TTC27: variants seen among roughly 807,000 people sequenced by gnomAD.
TTC27 encodes the protein tetratricopeptide repeat domain 27.
A neutral mutation model predicts 115.9 loss-of-function variants in TTC27; 79 were observed. That is an observed-to-expected ratio of 0.68 (90% CI 0.57 to 0.82). The LOEUF is 0.82. Among genes scored for constraint, TTC27 ranks in the 40% least tolerant of loss-of-function variants. The probability of loss-of-function intolerance (pLI) is 0.00; values close to 1 mark genes in which losing one functional copy is unlikely to be tolerated. For missense variants in TTC27, 1,054 were observed against 993.1 expected (o/e 1.06, Z -0.82); for synonymous variants, 401 against 356.0 (o/e 1.13, Z -1.42).
intron 12 of TTC27, among the ~76,000 whole-genome samples, chr2:32,754,127 A>C (rs1020825162): frequency 1.1e-4 from 17 of 151,292 alleles, no homozygotes; most frequent in African/African-American, 4.1e-4. Flanking sequence ...AAGAACTAAT[A>C]AAACAATTCA....
chr2:32,792,104 A>G (rs1050404651), intron 16 of TTC27, among the ~76,000 whole-genome samples: 23 of 152,202 alleles, frequency 1.5e-4, no homozygotes, highest in South Asian at 4.1e-4. Flanking sequence ...CTTGAATACC[A>G]TATAGATAGA....
intron 9 of TTC27, among the ~76,000 whole-genome samples, chr2:32,681,800 G>C (rs184011994): frequency 1.3e-5 from 2 of 152,132 alleles, no homozygotes; most frequent in African/African-American, 4.8e-5. Flanking sequence ...TACAACTCAT[G>C]ATGGATTTAT....
intron 10 of TTC27, among the ~76,000 whole-genome samples, chr2:32,728,089 G>C (rs886673915): frequency 1.4e-5 from 2 of 145,372 alleles, no homozygotes; most frequent in African/African-American, 5.1e-5. Context: ...CGCCCAGGCT[G>C]GAGTGCAGTG....
At chr2:32,813,744 C>G (rs1401940107) in intron 18 of TTC27, among the ~76,000 whole-genome samples, 1 of 152,124 alleles carries the variant, frequency 6.6e-6, no homozygotes, top group Non-Finnish European at 1.5e-5. Flanking sequence ...TAGAAATTAG[C>G]TTGGTAGTTG....
At chr2:32,667,696 G>A (rs565911915) in intron 7 of TTC27, among the ~76,000 whole-genome samples, 27 of 150,666 alleles carry the variant, frequency 1.8e-4, no homozygotes, top group Admixed American at 5.9e-4. Flanking sequence ...GATTACAGGC[G>A]TGAGCCACCA....
intron 13 of TTC27, 126 bp from the exon 14 acceptor site, chr2:32,777,756 A>G: frequency 1.2e-6 from 1 of 818,690 alleles, no homozygotes; most frequent in Non-Finnish European, 1.9e-6. Flanking sequence ...TGTAAGGCAA[A>G]TATTTATTAT....
intron 16 of TTC27, among the ~76,000 whole-genome samples, chr2:32,793,415 G>A (rs1355863324): frequency 2.6e-5 from 4 of 152,138 alleles, no homozygotes; most frequent in Non-Finnish European, 4.4e-5. Flanking sequence ...CCTGCAGGGT[G>A]AAAAGAAAGG....
chr2:32,804,010 T>TAAA (rs56712262), intron 16 of TTC27, among the ~76,000 whole-genome samples: 4 of 133,938 alleles, frequency 3.0e-5, no homozygotes, highest in African/African-American at 1.1e-4. Context: ...CCATCTCAAT[T>TAAA]AAAAAAAAAA....
chr2:32,661,505 C>G (rs906174770), intron 5 of TTC27, among the ~76,000 whole-genome samples: 1 of 151,930 alleles, frequency 6.6e-6, no homozygotes, highest in African/African-American at 2.4e-5. Context: ...GGTTGTGTTC[C>G]TAGGTATTTT....
In TTC27 at chr2:32,628,217, C is replaced by T. The variant is rs759710572; in HGVS notation, c.-76C>T. The T allele has an allele frequency of 5.0e-6, 7 of 1,412,830 alleles. No homozygotes were observed. The highest frequency in any genetic ancestry group is 6.9e-6 in the Non-Finnish European group (7 of 1,018,224). 87.5% of individuals were successfully genotyped at this position (1,412,830 alleles called of 1,614,324 possible). A position where few individuals can be genotyped will look rare whatever the true frequency, so the allele number is the denominator to read the frequency against. ...TAGATTTCAGCGCCTTTGGACTCTC[C>T]TGTTTTCACTTTCTTTTGTTGACTC... is the stretch of plus-strand genomic sequence containing the variant. On this transcript the variant is annotated 5_prime_UTR_variant, in exon 1 of 20. Coordinates refer to ENST00000317907, the MANE Select transcript of TTC27 (RefSeq NM_017735.5).
chr2:32,718,635 C>T (rs531953597), intron 10 of TTC27, among the ~76,000 whole-genome samples: 1 of 152,028 alleles, frequency 6.6e-6, no homozygotes, highest in Non-Finnish European at 1.5e-5. Flanking sequence ...TGATGATTGC[C>T]AAAGCTGATT....
At chr2:32,672,660 C>G (rs1217722149) in intron 8 of TTC27, among the ~76,000 whole-genome samples, 1 of 152,126 alleles carries the variant, frequency 6.6e-6, no homozygotes, top group Non-Finnish European at 1.5e-5. Context: ...ATATTAAAGA[C>G]AAATGAGAAT....
intron 8 of TTC27, among the ~76,000 whole-genome samples, chr2:32,677,625 A>G (rs1030420389): frequency 6.6e-6 from 1 of 151,550 alleles, no homozygotes; most frequent in African/African-American, 2.4e-5. Flanking sequence ...AATTTTTTGT[A>G]TTTTTAGTAG....
At chr2:32,798,822 G>A (rs562041230) in intron 16 of TTC27, among the ~76,000 whole-genome samples, 8 of 152,136 alleles carry the variant, frequency 5.3e-5, no homozygotes, top group Non-Finnish European at 1.5e-5. Flanking sequence ...GTGGAAAACA[G>A]TATGGTAGTT....
At chr2:32,797,990 C>G (rs1466035831) in intron 16 of TTC27, among the ~76,000 whole-genome samples, 2 of 150,336 alleles carry the variant, frequency 1.3e-5, no homozygotes, top group Non-Finnish European at 3.0e-5. Context: ...AGAAGATAAA[C>G]AAATGAACAA....
At chr2:32,774,347 G>T (rs560863703) in intron 13 of TTC27, among the ~76,000 whole-genome samples, 1 of 151,756 alleles carries the variant, frequency 6.6e-6, no homozygotes, top group Non-Finnish European at 1.5e-5. Context: ...CATTTCTTTT[G>T]TATCTTTAGT....
chr2:32,762,585 G>A (rs1013214237), intron 13 of TTC27, among the ~76,000 whole-genome samples: 1 of 151,946 alleles, frequency 6.6e-6, no homozygotes, highest in Non-Finnish European at 1.5e-5. Flanking sequence ...GATTCTAGAT[G>A]GAGGCTGAGT....
intron 14 of TTC27, among the ~76,000 whole-genome samples, chr2:32,781,285 A>G (rs1279619838): frequency 6.6e-6 from 1 of 152,142 alleles, no homozygotes; most frequent in Non-Finnish European, 1.5e-5. Flanking sequence ...TTTCCTTTAA[A>G]TCTTTGAACA....
rs557424481 is a variant in TTC27 at position 32,802,534 on chromosome 2, T to G, written c.1999-8490T>G. ...CTCTTTGGAACTTACACCATTGCAG[T>G]TTTATCTCCCCTAGTCCACTTAGAG... On this transcript the variant is annotated intron_variant, in intron 16 of 19. Transcript: ENST00000317907. Among the ~76,000 whole-genome samples the G allele has an allele frequency of 2.7e-3, 408 of 152,288 alleles. 4 individuals carry two copies. The highest frequency in any genetic ancestry group is 3.8e-3 in the Non-Finnish European group (256 of 68,020).
Sources: allele counts gnomAD v4.1 joint callset (sites outside exome capture counted in the v4.1 genomes callset), GRCh38; gene constraint gnomAD v4.1.1; transcripts MANE v1.5; gene names NCBI Gene and HGNC (gene_info 2026-07-23, HGNC 2026-07-21).